Variants in APBB2 observed in about 807,000 individuals in gnomAD.
APBB2 encodes the protein amyloid beta precursor protein binding family B member 2.
In APBB2, 38 loss-of-function variants were observed where a neutral mutation model predicts 82.5. That is an observed-to-expected ratio of 0.46 (90% CI 0.36 to 0.60). APBB2 has a LOEUF of 0.60. Ranked by LOEUF, APBB2 falls within the 20% of genes least tolerant of loss-of-function variation. APBB2 has a pLI of 0.00. For missense variants in APBB2, 772 were observed against 972.3 expected, an observed-to-expected ratio of 0.79 and a Z score of 2.74; for synonymous variants, 341 against 368.2, an observed-to-expected ratio of 0.93 and a Z score of 0.85.
chr4:40,945,427 A>G (rs1252523610), intron 6 of APBB2, among the ~76,000 whole-genome samples: 2 of 152,202 alleles, frequency 1.3e-5, no homozygotes, highest in Non-Finnish European at 2.9e-5. Flanking sequence ...CAGTGTACTG[A>G]ATGCTTTTGT....
At chr4:40,881,046 A>G in intron 12 of APBB2, 1 of 985,452 alleles carries the variant, frequency 1.0e-6, no homozygotes, top group Non-Finnish European at 1.2e-6. Flanking sequence ...TTCTGTGCTG[A>G]AAGTATTGCA....
At chr4:40,840,708 G>A (rs1007038058) in intron 12 of APBB2, among the ~76,000 whole-genome samples, 2 of 152,120 alleles carry the variant, frequency 1.3e-5, no homozygotes, top group African/African-American at 2.4e-5. Flanking sequence ...CACCAGGCAC[G>A]CTCATGAGAC....
chr4:40,960,544 T>A (rs1792887469), intron 6 of APBB2, among the ~76,000 whole-genome samples: 1 of 147,712 alleles, frequency 6.8e-6, no homozygotes, highest in South Asian at 2.1e-4. Context: ...GCCTCCCGAG[T>A]TCACGCCATT....
At chr4:41,194,689 T>C in intron 1 of APBB2, among the ~76,000 whole-genome samples, 6,227 of 149,816 alleles carry the variant, frequency 0.042, 417 homozygotes, top group African/African-American at 0.15. Flanking sequence ...ATAAAATAAA[T>C]ACACACATCT....
Position 40,829,973 on chromosome 4 carries a change from T to C in APBB2, c.1644+490A>G, listed in dbSNP as rs1041759567. 2.0e-5 allele frequency among the ~76,000 whole-genome samples: 3 copies of C among 152,330 alleles called. No individual in the cohort carries two copies. In the South Asian group the frequency reaches 6.2e-4, roughly 32 times the overall value. On this transcript the variant is annotated intron_variant, in intron 13 of 17. Coordinates refer to ENST00000508593, the MANE Select transcript of APBB2 (RefSeq NM_004307.2). Reference sequence around the variant, plus strand: ...CCTCCTTTCCTGTAGCCTTTTTCTCTACCCACATTCACTCTCAGGTCAGAT... The same window carrying C: ...CCTCCTTTCCTGTAGCCTTTTTCTCCACCCACATTCACTCTCAGGTCAGAT...
chr4:41,169,416 A>C (rs1361128471), intron 1 of APBB2, among the ~76,000 whole-genome samples: 1 of 150,054 alleles, frequency 6.7e-6, no homozygotes, highest in Non-Finnish European at 1.5e-5. Flanking sequence ...CCTGCAATTA[A>C]ATGGCCACCT....
chr4:40,832,764 T>G lies in APBB2; in HGVS notation c.1530-2187A>C, dbSNP rs1752475361. Among the ~76,000 whole-genome samples the G allele has an allele frequency of 6.6e-6, 1 of 152,150 alleles. No individual in the cohort carries two copies. Among genetic ancestry groups the G allele is most frequent in the Non-Finnish European group, 1.5e-5 (1 of 68,030 alleles). On this transcript the variant is annotated intron_variant, in intron 12 of 17. Transcript: ENST00000508593. The surrounding 1 kb of genome is among the most constrained non-coding windows in gnomAD (Gnocchi z 4.8). Reference sequence around the variant, plus strand: ...GCAAGTGTCTGAGTGTGTCTTCCCCTCAACACTCTGCAGCTCCATGAAGAC... The same window carrying G: ...GCAAGTGTCTGAGTGTGTCTTCCCCGCAACACTCTGCAGCTCCATGAAGAC...
chr4:41,046,554 G>A (rs947599941), intron 4 of APBB2, among the ~76,000 whole-genome samples: 1 of 151,910 alleles, frequency 6.6e-6, no homozygotes, highest in African/African-American at 2.4e-5. Context: ...GAAAACATAA[G>A]AGATGAACTG....
At chr4:40,819,978 A>G (rs1161327230) in intron 17 of APBB2, among the ~76,000 whole-genome samples, 1 of 152,190 alleles carries the variant, frequency 6.6e-6, no homozygotes, top group Non-Finnish European at 1.5e-5. Context: ...CGCCCGGCTG[A>G]AAGTGAAGAT....
chr4:41,011,628 A>AC (rs1276486758), intron 6 of APBB2, among the ~76,000 whole-genome samples: 3 of 151,834 alleles, frequency 2.0e-5, no homozygotes, highest in Non-Finnish European at 4.4e-5. Flanking sequence ...AAGGGGTTTC[A>AC]CCATGTTGCC....
intron 10 of APBB2, among the ~76,000 whole-genome samples, chr4:40,928,417 CACACACACACA>C (rs761181416): frequency 6.8e-3 from 436 of 64,418 alleles, no homozygotes; most frequent in Middle Eastern, 0.03. Context: ...CACACACACA[CACACACACACA>C]ATCAGCCAGG....
At chr4:41,094,713 T>A (rs1411718458) in intron 3 of APBB2, among the ~76,000 whole-genome samples, 2 of 152,100 alleles carry the variant, frequency 1.3e-5, no homozygotes, top group African/African-American at 4.8e-5. Context: ...TACAGGCACA[T>A]GCCACCTCGC....
At chr4:40,918,306 A>C (rs562170911) in intron 10 of APBB2, among the ~76,000 whole-genome samples, 112 of 152,216 alleles carry the variant, frequency 7.4e-4, no homozygotes, top group African/African-American at 2.5e-3. Context: ...CCCACAAAGA[A>C]CTCCATAGGA....
At chr4:41,168,213 G>A (rs1767223610) in intron 1 of APBB2, among the ~76,000 whole-genome samples, 1 of 52,458 alleles carries the variant, frequency 1.9e-5, no homozygotes, top group South Asian at 5.0e-4. Context: ...AGCCTGCAGT[G>A]AGCCGAAGCC....
At chr4:40,988,870 A>G (rs1258115694) in intron 6 of APBB2, among the ~76,000 whole-genome samples, 1 of 151,108 alleles carries the variant, frequency 6.6e-6, no homozygotes, top group African/African-American at 2.4e-5. Context: ...GGTTCAAGCA[A>G]TTCTCCTGCC....
At chr4:40,844,148 A>G (rs1405278756) in intron 12 of APBB2, among the ~76,000 whole-genome samples, 2 of 152,204 alleles carry the variant, frequency 1.3e-5, no homozygotes, top group African/African-American at 4.8e-5. Flanking sequence ...GAAGAGGCAG[A>G]CACAGCTGTG....
intron 5 of APBB2, among the ~76,000 whole-genome samples, chr4:41,019,820 G>A (rs892034444): frequency 2.6e-5 from 4 of 152,090 alleles, no homozygotes; most frequent in Non-Finnish European, 1.5e-5. Context: ...AAGGAGAGGG[G>A]AGAACAGCAG....
At chr4:40,964,775 C>CACACACACACACAG (rs1170561072) in intron 6 of APBB2, among the ~76,000 whole-genome samples, 1 of 151,790 alleles carries the variant, frequency 6.6e-6, no homozygotes. Flanking sequence ...CACACACACA[C>CACACACACACACAG]AACAATGCAC....
chr4:41,019,953 G>C (rs770271115), intron 5 of APBB2, among the ~76,000 whole-genome samples: 5 of 151,760 alleles, frequency 3.3e-5, no homozygotes, highest in Non-Finnish European at 7.4e-5. Flanking sequence ...ACAAGGAGTC[G>C]AAGAGAGAGG....
Sources: gnomAD v4.1 joint callset for allele counts (sites outside exome capture counted in the v4.1 genomes callset) on GRCh38, gnomAD v4.1.1 for gene constraint, Gnocchi (gnomAD v3.1) non-coding constraint, MANE v1.5 for transcripts, NCBI Gene and HGNC (gene_info 2026-07-23, HGNC 2026-07-21) for gene names.